Variants in BAZ2B observed in about 807,000 individuals in gnomAD.
The protein encoded by BAZ2B is bromodomain adjacent to zinc finger domain protein 2B.
A neutral mutation model predicts 246.0 loss-of-function variants in BAZ2B; 91 were observed. The ratio of observed to expected loss-of-function variants is 0.37; its 90% CI spans 0.31 to 0.44. The LOEUF (loss-of-function observed/expected upper bound fraction) is 0.44, where lower values mean the gene tolerates loss of function less well. BAZ2B is among the 20% of genes least tolerant of loss of function. BAZ2B has a pLI of 1.00. For missense variants in BAZ2B, 2,332 were observed against 2,533.7 expected (o/e 0.92, Z 1.71); for synonymous variants, 855 against 860.0 (o/e 0.99, Z 0.10).
chr2:159,432,093 A>G (rs2071230384), intron 9 of BAZ2B, among the ~76,000 whole-genome samples: 1 of 152,174 alleles, frequency 6.6e-6, no homozygotes, highest in South Asian at 2.1e-4. Flanking sequence ...TGCTAAAAAA[A>G]ATTAGTTGAA....
intron 27 of BAZ2B, among the ~76,000 whole-genome samples, chr2:159,365,775 A>G (rs2060153388): frequency 1.3e-5 from 2 of 152,230 alleles, no homozygotes; most frequent in Non-Finnish European, 2.9e-5. Flanking sequence ...TTGCAGAAAG[A>G]AAGAACAGAC....
In BAZ2B at chr2:159,440,514, C is replaced by CTGTTTTTTTTTTTTTTTTTTT. The variant is rs1234904617; in HGVS notation, c.697-1303_697-1302insAAAAAAAAAAAAAAAAAAACA. ...CCATTATATTCCGTTTGCAATGACT[C>CTGTTTTTTTTTTTTTTTTTTT]TTGTTTTTTTTTTTTTTTTTCGGGG... On this transcript the variant is annotated intron_variant, in intron 6 of 36. Transcript: ENST00000392783. Among the ~76,000 whole-genome samples, 2 of 61,416 alleles carry CTGTTTTTTTTTTTTTTTTTTT rather than the reference C, an allele frequency of 3.3e-5. 1 individual carries two copies. The highest frequency in any genetic ancestry group is 1.1e-4 in the Non-Finnish European group (2 of 17,630). 40.3% of individuals were successfully genotyped at this position (61,416 alleles called of 152,430 possible).
chr2:159,598,370 G>A (rs1445972235), intron 1 of BAZ2B, among the ~76,000 whole-genome samples: 2 of 152,196 alleles, frequency 1.3e-5, no homozygotes, highest in African/African-American at 2.4e-5. Flanking sequence ...CATAAGAATT[G>A]CATGGGAACA....
intron 13 of BAZ2B, among the ~76,000 whole-genome samples, chr2:159,420,312 G>GA (rs1005880501): frequency 1.3e-5 from 2 of 151,828 alleles, no homozygotes; most frequent in Non-Finnish European, 2.9e-5. Context: ...AAATGACTCA[G>GA]AAAAAAAGGC....
chr2:159,357,620 C>T (rs899684594), intron 27 of BAZ2B, among the ~76,000 whole-genome samples: 1 of 152,102 alleles, frequency 6.6e-6, no homozygotes, highest in African/African-American at 2.4e-5. Flanking sequence ...GAGAACGCCA[C>T]AAAGATACTC....
intron 13 of BAZ2B, among the ~76,000 whole-genome samples, chr2:159,418,463 G>A (rs2068148334): frequency 6.6e-6 from 1 of 152,142 alleles, no homozygotes; most frequent in Non-Finnish European, 1.5e-5. Flanking sequence ...CTGAAAGCTA[G>A]GGTAAATATG....
chr2:159,483,599 A>T (rs2079491796), intron 2 of BAZ2B, among the ~76,000 whole-genome samples: 2 of 152,130 alleles, frequency 1.3e-5, no homozygotes, highest in African/African-American at 4.8e-5. Flanking sequence ...CAACATGGTG[A>T]AACCCTGTCT....
intron 3 of BAZ2B, chr2:159,462,275 T>A: frequency 1.6e-6 from 1 of 632,002 alleles, no homozygotes; most frequent in South Asian, 1.9e-5. Context: ...GTTAGAAAAC[T>A]GGTTAACTTT....
intron 36 of BAZ2B, 123 bp downstream of exon 36, chr2:159,324,681 CACACACA>C (rs2063209474): frequency 7.3e-6 from 2 of 275,554 alleles, no homozygotes; most frequent in Non-Finnish European, 1.3e-5. Flanking sequence ...CACACACACA[CACACACA>C]CCTGCCTCAA....
At chr2:159,640,553 T>C in the BAZ2B span, among the ~76,000 whole-genome samples, 1 of 152,100 alleles carries the variant, frequency 6.6e-6, no homozygotes, top group Non-Finnish European at 1.5e-5. Flanking sequence ...AGAGGAATTT[T>C]GGAAACTATG....
At chr2:159,704,027 T>C in the BAZ2B span, among the ~76,000 whole-genome samples, 1 of 152,178 alleles carries the variant, frequency 6.6e-6, no homozygotes, top group Non-Finnish European at 1.5e-5. Context: ...ACCATTCCCA[T>C]ACCATTTTAT....
At chr2:159,448,021 G>A (rs2074498621) in intron 5 of BAZ2B, among the ~76,000 whole-genome samples, 1 of 152,062 alleles carries the variant, frequency 6.6e-6, no homozygotes, top group South Asian at 2.1e-4. Flanking sequence ...GTCCTTGGGA[G>A]GCTGAGGCAG....
chr2:159,412,618 T>C (rs1049215833), intron 13 of BAZ2B, 73 bp from the exon 14 acceptor site: 16 of 1,406,874 alleles, frequency 1.1e-5, no homozygotes, highest in Admixed American at 1.1e-4. Flanking sequence ...TGTAAGAAAA[T>C]TCTAGCTAAA....
At chr2:159,640,473 CA>C in the BAZ2B span, among the ~76,000 whole-genome samples, 16 of 150,348 alleles carry the variant, frequency 1.1e-4, no homozygotes, top group African/African-American at 3.4e-4. Flanking sequence ...TTAAAACATT[CA>C]AAAAAAAACC....
In BAZ2B at chr2:159,386,337, T is replaced by A. The variant is rs772593282; in HGVS notation, c.3471+16A>T. On this transcript the variant is annotated intron_variant, in intron 22 of 36. Transcript: ENST00000392783. ...CAGTACAAATTTAAAACATTTTATA[T>A]TTTGTTTTTTTTTACCTTGTATCCT... 6.3e-7 allele frequency: 1 copy of A among 1,594,824 alleles called. No homozygotes were observed.
chr2:159,331,951 G>A (rs1337745839), intron 34 of BAZ2B, among the ~76,000 whole-genome samples: 1 of 152,178 alleles, frequency 6.6e-6, no homozygotes, highest in Non-Finnish European at 1.5e-5. Flanking sequence ...AGGATTGTTG[G>A]AGTTGAAGTG....
the BAZ2B span, chr2:159,690,007 A>G: frequency 2.5e-6 from 1 of 404,166 alleles, no homozygotes; most frequent in Non-Finnish European, 4.6e-6. Context: ...TTTTGTTACA[A>G]GTAAGATCCA....
At chr2:159,625,770 G>A in the BAZ2B span, among the ~76,000 whole-genome samples, 11 of 152,010 alleles carry the variant, frequency 7.2e-5, no homozygotes, top group Non-Finnish European at 1.5e-4. Context: ...CTGCATCAAC[G>A]AACAGGCGAA....
chr2:159,692,131 T>C, the BAZ2B span, among the ~76,000 whole-genome samples: 1 of 152,152 alleles, frequency 6.6e-6, no homozygotes, highest in African/African-American at 2.4e-5. Flanking sequence ...TTTCATGCAT[T>C]CATGATATAC....
Sources: allele counts gnomAD v4.1 joint callset (sites outside exome capture counted in the v4.1 genomes callset), GRCh38; gene constraint gnomAD v4.1.1; transcripts MANE v1.5; gene names NCBI Gene and HGNC (gene_info 2026-07-23, HGNC 2026-07-21).